RAP1GAP2: variants seen among roughly 807,000 people sequenced by gnomAD.
RAP1GAP2 encodes rap1 GTPase-activating protein 2.
In RAP1GAP2, 27 loss-of-function variants were observed where a neutral mutation model predicts 95.0. The ratio of observed to expected loss-of-function variants is 0.28; its 90% CI spans 0.21 to 0.39. The LOEUF is 0.39. RAP1GAP2 is among the 10% of genes least tolerant of loss of function. The probability of loss-of-function intolerance (pLI) is 1.00; values close to 1 mark genes in which losing one functional copy is unlikely to be tolerated. For synonymous variants in RAP1GAP2, 373 were observed against 380.9 expected, an observed-to-expected ratio of 0.98 and a Z score of 0.24; for missense variants, 771 against 970.0, an observed-to-expected ratio of 0.79 and a Z score of 2.72.
Position 2,843,268 on chromosome 17 carries a change from A to T in RAP1GAP2, c.80+42718A>T, listed in dbSNP as rs114992575. On this transcript the variant is annotated intron_variant, in intron 2 of 24. Transcript: ENST00000254695. The stretch of plus-strand genomic sequence containing the variant: ...TGCTTTTGGGATAGGTCTATGGTGG[A>T]GAAACAACTCAGTTAATTTCCCTTT... Among the ~76,000 whole-genome samples the T allele has an allele frequency of 4.3e-3, 643 of 149,246 alleles. 3 individuals are homozygous for T. The highest frequency in any genetic ancestry group is 0.015 in the African/African-American group (613 of 40,680).
At chr17:2,826,238 C>G (rs8082173) in intron 2 of RAP1GAP2, among the ~76,000 whole-genome samples, 57,673 of 147,928 alleles carry the variant, frequency 0.39, 12,484 homozygotes, top group African/African-American at 0.58. Flanking sequence ...CTCGTGATCT[C>G]CCCGCCTCGG....
chr17:2,819,357 C>A (rs899613429), intron 2 of RAP1GAP2, among the ~76,000 whole-genome samples: 1 of 148,414 alleles, frequency 6.7e-6, no homozygotes, highest in Non-Finnish European at 1.5e-5. Context: ...CTGAGTCTTG[C>A]TCTGCTGGAG....
chr17:2,782,224 G>A (rs547004581), intron 1 of RAP1GAP2, among the ~76,000 whole-genome samples: 1 of 152,306 alleles, frequency 6.6e-6, no homozygotes, highest in African/African-American at 2.4e-5. Context: ...GGCTGTGTGG[G>A]CGTCCACTGC....
At chr17:2,907,451 A>G (rs938693044) in intron 3 of RAP1GAP2, among the ~76,000 whole-genome samples, 5 of 152,146 alleles carry the variant, frequency 3.3e-5, no homozygotes, top group Admixed American at 6.6e-5. Context: ...TCGTCTAGCT[A>G]GGGAGCCAAA....
chr17:2,804,065 G>A (rs1190984508), intron 2 of RAP1GAP2, among the ~76,000 whole-genome samples: 1 of 152,190 alleles, frequency 6.6e-6, no homozygotes, highest in Non-Finnish European at 1.5e-5. Context: ...GGGCTCCTGA[G>A]TCACCAAGAT....
intron 8 of RAP1GAP2, 24 bp from the exon 9 acceptor site, chr17:2,980,263 C>T (rs777704824): frequency 3.1e-6 from 5 of 1,612,240 alleles, no homozygotes; most frequent in Non-Finnish European, 2.5e-6. Flanking sequence ...TTAGGGATGT[C>T]CTTTTTTCTC....
rs2289648 is a variant in RAP1GAP2, at chr17:3,005,522, A to G, written c.1272+82A>G. The G allele has an allele frequency of 0.33, 475,502 of 1,462,654 alleles. 78,475 individuals carry two copies. The highest frequency in any genetic ancestry group is 0.43 in the Middle Eastern group (2,469 of 5,782). The allele number at this position is 1,462,654 out of a possible 1,614,324, so 90.6% of individuals were successfully genotyped here. ...GAGTAGCAATGGTTGGGATGGAGCC[A>G]AATTCAGGCTGGGAACATTAGGGAG... On this transcript the variant is annotated intron_variant, in intron 15 of 24. Transcript: ENST00000254695. The surrounding 1 kb of genome is among the most constrained non-coding windows in gnomAD (Gnocchi z 5.2).
chr17:2,825,428 A>G lies in RAP1GAP2; in HGVS notation c.80+24878A>G, dbSNP rs2070504163. On this transcript the variant is annotated intron_variant, in intron 2 of 24. Transcript: ENST00000254695. This position sits in a 1 kb window ranked among gnomAD's most constrained non-coding sequence, Gnocchi z 4.1. Reference sequence around the variant, plus strand: ...ACGCTTTGACTGAGCTGTTGACAGCACCGAGGCCAGAGGCAGGAGAAATGA... The same window carrying G: ...ACGCTTTGACTGAGCTGTTGACAGCGCCGAGGCCAGAGGCAGGAGAAATGA... Among the ~76,000 whole-genome samples, 1 of 152,138 alleles carries G rather than the reference A, an allele frequency of 6.6e-6. No individual in the cohort carries two copies. The highest frequency in any genetic ancestry group is 1.5e-5 in the Non-Finnish European group (1 of 68,032).
In RAP1GAP2 at chr17:2,965,626, C is replaced by T; in HGVS notation, c.579C>T (p.Tyr193=). 1 of 1,609,940 alleles carries T rather than the reference C, an allele frequency of 6.2e-7. No homozygotes were observed. Among genetic ancestry groups the T allele is most frequent in the African/African-American group, 1.3e-5 (1 of 74,962 alleles). Residue 193 remains tyrosine, a synonymous_variant, in exon 8 of 25, where the codon TAC becomes TAT. Coordinates refer to ENST00000254695, the MANE Select transcript of RAP1GAP2 (RefSeq NM_015085.5). The surrounding 1 kb of genome is among the most constrained non-coding windows in gnomAD (Gnocchi z 4.7). ...VKCEEAEGIE[Y]LRVILRSKLK... is the part of the protein sequence containing the mutation. ...GCGAGGAAGCAGAGGGGATCGAGTA[C>T]CTCCGGGTCATCCTTAGGTAGGGCT...
intron 2 of RAP1GAP2, among the ~76,000 whole-genome samples, chr17:2,821,333 A>G (rs905420641): frequency 6.6e-6 from 1 of 151,092 alleles, no homozygotes; most frequent in Non-Finnish European, 1.5e-5. Flanking sequence ...AATATGACCC[A>G]TCACCCAAAA....
intron 12 of RAP1GAP2, among the ~76,000 whole-genome samples, chr17:2,993,355 C>T (rs561083816): frequency 5.5e-4 from 83 of 151,920 alleles, no homozygotes; most frequent in Non-Finnish European, 1.0e-3. Flanking sequence ...GGGCAGATCA[C>T]GAGGTCAGGA....
chr17:2,962,339 C>G (rs1280867615), intron 4 of RAP1GAP2: 2 of 339,718 alleles, frequency 5.9e-6, no homozygotes, highest in African/African-American at 4.4e-5. Flanking sequence ...ATAGTCGATG[C>G]CATCATCATT....
intron 2 of RAP1GAP2, among the ~76,000 whole-genome samples, chr17:2,818,087 C>A (rs555927866): frequency 3.2e-4 from 48 of 152,020 alleles, no homozygotes; most frequent in African/African-American, 1.1e-3. Flanking sequence ...CTGCCCTCCT[C>A]GGCCTCCTAA....
chr17:2,890,548 T>C (rs929551317), intron 2 of RAP1GAP2, among the ~76,000 whole-genome samples: 2 of 152,170 alleles, frequency 1.3e-5, no homozygotes, highest in African/African-American at 2.4e-5. Context: ...AACACGCCTC[T>C]GTGCTGGGCA....
At chr17:3,012,152 G>T (rs938728472) in intron 17 of RAP1GAP2, among the ~76,000 whole-genome samples, 2 of 152,152 alleles carry the variant, frequency 1.3e-5, no homozygotes, top group African/African-American at 4.8e-5. Context: ...CCTCCCAGCT[G>T]TAATGGAAGC....
intron 8 of RAP1GAP2, among the ~76,000 whole-genome samples, chr17:2,977,992 C>T (rs139901378): frequency 1.3e-5 from 2 of 152,180 alleles, no homozygotes; most frequent in East Asian, 1.9e-4. Flanking sequence ...ACCTGATTGC[C>T]GTCAATGGAA....
intron 14 of RAP1GAP2, among the ~76,000 whole-genome samples, chr17:2,998,932 G>GA (rs1180812136): frequency 6.6e-6 from 1 of 152,094 alleles, no homozygotes; most frequent in Non-Finnish European, 1.5e-5. Flanking sequence ...GCTAACGAAG[G>GA]AAAAAAAGAA....
chr17:2,863,358 T>C (rs1476202873), intron 2 of RAP1GAP2, among the ~76,000 whole-genome samples: 1 of 152,144 alleles, frequency 6.6e-6, no homozygotes, highest in African/African-American at 2.4e-5. Context: ...CTGTATTTCA[T>C]GAAGGCTGGA....
At chr17:2,861,451 G>A (rs2072385139) in intron 2 of RAP1GAP2, among the ~76,000 whole-genome samples, 1 of 150,430 alleles carries the variant, frequency 6.6e-6, no homozygotes, top group African/African-American at 2.5e-5. Context: ...TAAGTAGAAC[G>A]TGCCCATTGC....
Sources: gnomAD v4.1 joint callset for allele counts (sites outside exome capture counted in the v4.1 genomes callset) on GRCh38, gnomAD v4.1.1 for gene constraint, Gnocchi (gnomAD v3.1) non-coding constraint, MANE v1.5 for transcripts, NCBI Gene and HGNC (gene_info 2026-07-23, HGNC 2026-07-21) for gene names.